Variants in NIPBL observed in about 807,000 individuals in gnomAD.
NIPBL encodes the protein NIPBL cohesin loading factor, also known as nipped-B-like protein.
A neutral mutation model predicts 321.8 loss-of-function variants in NIPBL; 19 were observed. The ratio of observed to expected loss-of-function variants is 0.06; its 90% CI spans 0.04 to 0.09. NIPBL has a LOEUF of 0.09. Among genes scored for constraint, NIPBL ranks in the 10% least tolerant of loss-of-function variants. NIPBL has a pLI of 1.00. For missense variants in NIPBL, 2,210 were observed against 3,327.0 expected, an observed-to-expected ratio of 0.66 and a Z score of 8.26; for synonymous variants, 1,106 against 1,114.1, an observed-to-expected ratio of 0.99 and a Z score of 0.14.
At chr5:36,884,803 G>T (rs1196620145) in intron 1 of NIPBL, among the ~76,000 whole-genome samples, 1 of 152,136 alleles carries the variant, frequency 6.6e-6, no homozygotes, top group Non-Finnish European at 1.5e-5. Context: ...ATTTTCTTAG[G>T]TAGAGCTGTG....
intron 10 of NIPBL, among the ~76,000 whole-genome samples, chr5:36,992,718 A>G (rs922010858): frequency 8.6e-6 from 1 of 116,442 alleles, no homozygotes; most frequent in Non-Finnish European, 1.8e-5. Context: ...CATTTTATTT[A>G]TTTATTTATT....
At chr5:37,022,411 A>C (rs1318454150) in intron 29 of NIPBL, 21 bp downstream of exon 29, 1 of 1,587,070 alleles carries the variant, frequency 6.3e-7, no homozygotes, top group Non-Finnish European at 8.6e-7. Context: ...CATTTTTATA[A>C]TGATTCGTGA....
chr5:37,059,991 T>C (rs1274738966), intron 44 of NIPBL, among the ~76,000 whole-genome samples: 1 of 152,184 alleles, frequency 6.6e-6, no homozygotes, highest in Non-Finnish European at 1.5e-5. Context: ...AGATTAGGAA[T>C]CACAAAATCA....
At position 36,996,831 on chromosome 5, in the gene NIPBL, C is replaced by A; in HGVS notation, c.3304+1027C>A. The A allele has an allele frequency of 5.3e-6, 1 of 188,530 alleles. No homozygotes were observed. Among genetic ancestry groups the A allele is most frequent in the Admixed American group, 5.6e-5 (1 of 17,710 alleles). 11.7% of individuals were successfully genotyped at this position (188,530 alleles called of 1,614,324 possible). A position where few individuals can be genotyped will look rare whatever the true frequency, so the allele number is the denominator to read the frequency against. ...GGGCAGGAAGGACAGATGCATGCTG[C>A]CATTTTTAAATGTATATTGCTGATG... On this transcript the variant is annotated intron_variant, in intron 11 of 46. Coordinates refer to ENST00000282516, the MANE Select transcript of NIPBL (RefSeq NM_133433.4). This position sits in a 1 kb window ranked among gnomAD's most constrained non-coding sequence, Gnocchi z 5.0.
chr5:36,904,327 G>A (rs976125664), intron 1 of NIPBL, among the ~76,000 whole-genome samples: 19 of 152,144 alleles, frequency 1.2e-4, no homozygotes, highest in Admixed American at 3.9e-4. Flanking sequence ...AAAATTAGCC[G>A]GGCATGGTGG....
At chr5:37,020,741 AG>A in intron 26 of NIPBL, 33 bp from the exon 27 acceptor site, 9 of 1,607,156 alleles carry the variant, frequency 5.6e-6, no homozygotes, top group Non-Finnish European at 7.7e-6. Flanking sequence ...TTACAAAAAA[AG>A]AAAAATAAAT....
chr5:37,003,472 G>C, intron 16 of NIPBL, 125 bp downstream of exon 16: 1 of 613,794 alleles, frequency 1.6e-6, no homozygotes, highest in South Asian at 2.2e-5. Context: ...TGATCTGAAA[G>C]TAGGTGAATA....
intron 6 of NIPBL, 42 bp downstream of exon 6, chr5:36,962,316 C>G (rs755179849): frequency 2.5e-5 from 40 of 1,603,960 alleles, no homozygotes; most frequent in Non-Finnish European, 3.2e-5. Context: ...TGTCTAAGTG[C>G]TTTAATTCCA....
intron 3 of NIPBL, 73 bp from the exon 4 acceptor site, chr5:36,958,031 T>C: frequency 6.7e-7 from 1 of 1,494,850 alleles, no homozygotes; most frequent in Non-Finnish European, 9.3e-7. Context: ...CAGTGTGATT[T>C]ACTTTTATAT....
intron 45 of NIPBL, among the ~76,000 whole-genome samples, chr5:37,063,118 C>T (rs1431014361): frequency 1.3e-5 from 2 of 152,090 alleles, no homozygotes; most frequent in East Asian, 3.8e-4. Flanking sequence ...GTGGGCAGAT[C>T]ACTCGAGGCC....
At chr5:37,054,049 A>T (rs111567201) in intron 42 of NIPBL, among the ~76,000 whole-genome samples, 8 of 152,190 alleles carry the variant, frequency 5.3e-5, no homozygotes, top group African/African-American at 1.9e-4. Context: ...TATAAAAATT[A>T]GCCGGGCGTG....
chr5:36,911,667 A>G (rs1748062105), intron 1 of NIPBL, among the ~76,000 whole-genome samples: 1 of 152,230 alleles, frequency 6.6e-6, no homozygotes, highest in Non-Finnish European at 1.5e-5. Context: ...TCTTGCACAT[A>G]ATATAGAGGC....
intron 24 of NIPBL, 48 bp downstream of exon 24, chr5:37,017,210 TC>T (rs769287317): frequency 8.6e-6 from 13 of 1,507,478 alleles, no homozygotes; most frequent in South Asian, 7.0e-5. Context: ...ATAGTTATTT[TC>T]TTTGCATGTC....
At chr5:36,995,924 G>A in intron 11 of NIPBL, 120 bp downstream of exon 11, 1 of 826,038 alleles carries the variant, frequency 1.2e-6, no homozygotes, top group South Asian at 1.7e-5. Context: ...TAATAACACA[G>A]TATAGTAAGT....
At position 37,065,587 on chromosome 5, in the gene NIPBL, T is replaced by G. The variant is rs1397154767; in HGVS notation, c.*695T>G. 6.6e-6 allele frequency: 1 copy of G among 152,650 alleles called. No individual in the cohort carries two copies. Among genetic ancestry groups the G allele is most frequent in the Non-Finnish European group, 1.5e-5 (1 of 68,030 alleles). 9.5% of individuals were successfully genotyped at this position (152,650 alleles called of 1,614,324 possible). ...TATTTTACAGTCTTTTATGTAAAAT[T>G]TATTATATCACTGGTTTTCAAAGCA... On this transcript the variant is annotated 3_prime_UTR_variant, in exon 47 of 47. Transcript: ENST00000282516.
intron 34 of NIPBL, among the ~76,000 whole-genome samples, chr5:37,039,223 G>A (rs1300813610): frequency 6.6e-6 from 1 of 151,634 alleles, no homozygotes; most frequent in Non-Finnish European, 1.5e-5. Context: ...TCTAACAGAG[G>A]TCCATTTATG....
chr5:37,060,796 C>G (rs370892733), intron 44 of NIPBL, 48 bp from the exon 45 acceptor site: 1 of 1,511,526 alleles, frequency 6.6e-7, no homozygotes, highest in Admixed American at 1.8e-5. Flanking sequence ...TCTCCAAATA[C>G]GTTGTTTCCA....
At chr5:36,897,009 T>A (rs212281) in intron 1 of NIPBL, among the ~76,000 whole-genome samples, 28,376 of 137,564 alleles carry the variant, frequency 0.21, 3,017 homozygotes, top group African/African-American at 0.37. Context: ...TTTTATATAT[T>A]TTTTTTTTTT....
intron 1 of NIPBL, among the ~76,000 whole-genome samples, chr5:36,894,761 A>C (rs1025659303): frequency 6.6e-6 from 1 of 152,120 alleles, no homozygotes; most frequent in African/African-American, 2.4e-5. Flanking sequence ...AGCAGTACCT[A>C]TGTGTAGGAG....
Sources: gnomAD v4.1 joint callset for allele counts (sites outside exome capture counted in the v4.1 genomes callset) on GRCh38, gnomAD v4.1.1 for gene constraint, Gnocchi (gnomAD v3.1) non-coding constraint, MANE v1.5 for transcripts, NCBI Gene and HGNC (gene_info 2026-07-23, HGNC 2026-07-21) for gene names.